ASIC2: variants seen among roughly 807,000 people sequenced by gnomAD.
ASIC2 encodes acid sensing ion channel subunit 2.
Under a neutral mutation model 57.3 loss-of-function variants are expected in ASIC2, and 25 were observed. The observed-to-expected ratio is 0.44, with a 90% confidence interval of 0.32 to 0.61. The LOEUF is 0.61. ASIC2 is among the 20% of genes least tolerant of loss of function. The pLI is 0.06. For synonymous variants in ASIC2, 319 were observed against 307.5 expected, an observed-to-expected ratio of 1.04 and a Z score of -0.39; for missense variants, 641 against 738.1, an observed-to-expected ratio of 0.87 and a Z score of 1.52.
At position 34,085,343 on chromosome 17, in the gene ASIC2, C is replaced by T. The variant is rs1372182271; in HGVS notation, c.555+70635G>A. Among the ~76,000 whole-genome samples, 7 of 152,204 alleles carry T rather than the reference C, an allele frequency of 4.6e-5. No individual in the cohort carries two copies. The East Asian group carries it at 1.3e-3, about 29-fold the overall frequency. On this transcript the variant is annotated intron_variant, in intron 1 of 9. Coordinates refer to the ASIC2 transcript ENST00000359872. ...CTGTTTATATGCTGGATTACATTTA[C>T]TGATTTGTGTATATTGAACCAGACT... is the stretch of plus-strand genomic sequence containing the variant.
chr17:33,525,852 C>T (rs1373824496), intron 1 of ASIC2, among the ~76,000 whole-genome samples: 9 of 152,214 alleles, frequency 5.9e-5, no homozygotes, highest in African/African-American at 2.2e-4. Context: ...CTCCAGGAAG[C>T]TTTCCCAGAC....
intron 1 of ASIC2, chr17:33,932,726 A>AT (rs1388982461): frequency 7.8e-6 from 1 of 127,472 alleles, no homozygotes; most frequent in African/African-American, 3.0e-5. Context: ...AAAAAAAAAA[A>AT]AAAAAAAAAA....
intron 1 of ASIC2, among the ~76,000 whole-genome samples, chr17:33,913,442 G>A (rs1915511639): frequency 6.6e-6 from 1 of 151,968 alleles, no homozygotes; most frequent in African/African-American, 2.4e-5. Context: ...GACTTTTCTT[G>A]ATTCTTATCT....
At chr17:33,832,514 A>G (rs1409417398) in intron 1 of ASIC2, among the ~76,000 whole-genome samples, 1 of 152,178 alleles carries the variant, frequency 6.6e-6, no homozygotes, top group African/African-American at 2.4e-5. Flanking sequence ...TGGCAGTGAG[A>G]TAGAGACTAC....
intron 1 of ASIC2, chr17:33,571,901 C>A (rs1057116325): frequency 2.0e-5 from 3 of 152,234 alleles, no homozygotes; most frequent in African/African-American, 7.2e-5. Flanking sequence ...CTCAAGACTT[C>A]TCAGGCTCTT....
At chr17:34,032,026 T>A (rs140930909) in intron 1 of ASIC2, among the ~76,000 whole-genome samples, 7,626 of 151,998 alleles carry the variant, frequency 0.05, 639 homozygotes, top group African/African-American at 0.17. Context: ...ACAAAGATAC[T>A]CCTCGAGAAG....
At chr17:33,051,510 T>C (rs766439471) in intron 3 of ASIC2, among the ~76,000 whole-genome samples, 1 of 152,164 alleles carries the variant, frequency 6.6e-6, no homozygotes, top group Non-Finnish European at 1.5e-5. Context: ...AATAAGCTGA[T>C]TTACTCCCTG....
Position 33,014,057 on chromosome 17 carries a change from C to CA in ASIC2, c.1599dup (p.Asp534Ter). ...GTTTCAGAGTGGTTTGGCATTGTGT[C>CA]ACAAGTACTCTGGAAGGGAAGGGTT... is the stretch of plus-strand genomic sequence containing the variant. On this transcript the variant is annotated frameshift_variant, in exon 10 of 10. Transcript: ENST00000225823. LOFTEE classifies it high-confidence loss of function. The CA allele has an allele frequency of 6.3e-7, 1 of 1,597,974 alleles. No homozygotes were observed. Among genetic ancestry groups the CA allele is most frequent in the African/African-American group, 1.3e-5 (1 of 74,668 alleles).
chr17:33,095,981 A>C (rs892567672), intron 2 of ASIC2, among the ~76,000 whole-genome samples: 1 of 152,196 alleles, frequency 6.6e-6, no homozygotes, highest in African/African-American at 2.4e-5. Flanking sequence ...TATACCCGGC[A>C]GTGGCATCTC....
chr17:34,036,886 T>A (rs1362621651), intron 1 of ASIC2: 1 of 152,394 alleles, frequency 6.6e-6, no homozygotes, highest in Non-Finnish European at 1.5e-5. Flanking sequence ...TCCCACTCAA[T>A]TTTTTCCCTA....
chr17:33,464,516 CTT>C (rs879743696), intron 1 of ASIC2, among the ~76,000 whole-genome samples: 4,461 of 41,574 alleles, frequency 0.11, 138 homozygotes, highest in African/African-American at 0.18. Context: ...TTCTTTCTTT[CTT>C]TCTTTCTTTC....
intron 1 of ASIC2, among the ~76,000 whole-genome samples, chr17:33,394,973 T>TCACC (rs1259502944): frequency 1.3e-5 from 2 of 151,100 alleles, no homozygotes; most frequent in East Asian, 3.9e-4. Flanking sequence ...ATTTTTCCAT[T>TCACC]CACCCATCCA....
At chr17:33,662,211 C>T (rs280039) in intron 1 of ASIC2, among the ~76,000 whole-genome samples, 95,067 of 151,904 alleles carry the variant, frequency 0.63, 30,074 homozygotes, top group African/African-American at 0.72. Context: ...GTTAGGTAGC[C>T]GAAGCTCAGT....
At chr17:33,241,834 A>G (rs188783164) in intron 1 of ASIC2, among the ~76,000 whole-genome samples, 46 of 152,344 alleles carry the variant, frequency 3.0e-4, no homozygotes, top group African/African-American at 1.1e-3. Context: ...CAGCCAAGCC[A>G]CAAGATGCAC....
At chr17:33,835,355 G>C (rs1473326441) in intron 1 of ASIC2, among the ~76,000 whole-genome samples, 2 of 152,158 alleles carry the variant, frequency 1.3e-5, no homozygotes, top group Non-Finnish European at 2.9e-5. Flanking sequence ...TCAGTACTTT[G>C]TACGTATTTT....
intron 1 of ASIC2, among the ~76,000 whole-genome samples, chr17:34,048,943 C>T (rs564448232): frequency 1.3e-5 from 2 of 152,138 alleles, no homozygotes; most frequent in Admixed American, 6.6e-5. Flanking sequence ...CGGTAATAAT[C>T]GTCCCTCCTG....
chr17:33,036,277 A>G (rs1047154213), intron 3 of ASIC2, among the ~76,000 whole-genome samples: 3 of 152,096 alleles, frequency 2.0e-5, no homozygotes, highest in African/African-American at 7.2e-5. Context: ...CCTGTGCAAG[A>G]TCACATAGTG....
intron 1 of ASIC2, among the ~76,000 whole-genome samples, chr17:33,243,216 T>C (rs1908573712): frequency 6.6e-6 from 1 of 152,246 alleles, no homozygotes; most frequent in Non-Finnish European, 1.5e-5. Flanking sequence ...ATTATTAGAA[T>C]AAGTGTAACT....
chr17:33,518,297 A>G (rs1914634962), intron 1 of ASIC2, among the ~76,000 whole-genome samples: 1 of 152,220 alleles, frequency 6.6e-6, no homozygotes, highest in Non-Finnish European at 1.5e-5. Flanking sequence ...TTTGAAGCCA[A>G]TGGAAGTGCG....
Sources: gnomAD v4.1 joint callset for allele counts (sites outside exome capture counted in the v4.1 genomes callset) on GRCh38, gnomAD v4.1.1 for gene constraint, MANE v1.5 for transcripts, NCBI Gene and HGNC (gene_info 2026-07-23, HGNC 2026-07-21) for gene names.